The following ITGB1 variants were observed in gnomAD, a reference collection of about 807,000 sequenced individuals.
ITGB1 encodes the protein integrin subunit beta 1.
ITGB1 carries 24 observed loss-of-function variants against 86.5 expected under a neutral mutation model. That is an observed-to-expected ratio of 0.28 (90% CI 0.20 to 0.39). The LOEUF (loss-of-function observed/expected upper bound fraction) is 0.39. Among genes scored for constraint, ITGB1 ranks in the 10% least tolerant of loss-of-function variants. ITGB1 has a pLI of 1.00. For missense variants in ITGB1, 556 were observed against 946.9 expected (o/e 0.59, Z 5.42); for synonymous variants, 323 against 316.8 (o/e 1.02, Z -0.21).
chr10:32,935,493 T>C lies in ITGB1; in HGVS notation c.66A>G (p.Thr22=). ...ACTAAGAAAATTTTTTGTTTTTACC[T>C]GTTTGAGCAAACACACAGCAAACTG... The part of the protein sequence containing the change: ...ISSVCCVFAQ[T]DENRCLKANA... The change falls in exon 2 of 16, where the codon ACA becomes ACG. Residue 22 remains threonine (T), a splice_region_variant and synonymous_variant. Coordinates refer to ENST00000302278, the MANE Select transcript of ITGB1 (RefSeq NM_002211.4). The C allele has an allele frequency of 6.2e-7, 1 of 1,611,440 alleles. No homozygotes were observed. Among genetic ancestry groups the C allele is most frequent in the South Asian group, 1.1e-5 (1 of 90,966 alleles).
At chr10:32,922,076 T>C (rs16933790) in intron 9 of ITGB1, among the ~76,000 whole-genome samples, 181 bp downstream of exon 9, 17,077 of 152,098 alleles carry the variant, frequency 0.11, 1,103 homozygotes, top group Admixed American at 0.21. Context: ...GTTTAGGCCA[T>C]GAATCTTGCT....
intron 11 of ITGB1, among the ~76,000 whole-genome samples, chr10:32,915,156 A>G (rs936914023): frequency 6.6e-6 from 1 of 152,236 alleles, no homozygotes; most frequent in African/African-American, 2.4e-5. Flanking sequence ...TCTGGGACAC[A>G]TTTAAAGCAG....
intron 5 of ITGB1, among the ~76,000 whole-genome samples, chr10:32,927,222 A>G (rs952285074): frequency 6.6e-6 from 1 of 152,194 alleles, no homozygotes; most frequent in African/African-American, 2.4e-5. Flanking sequence ...TTTCCACTAA[A>G]ATAGGGCTAA....
At chr10:32,946,534 T>C (rs1359195178) in intron 1 of ITGB1, among the ~76,000 whole-genome samples, 1 of 152,122 alleles carries the variant, frequency 6.6e-6, no homozygotes, top group Admixed American at 6.5e-5. Flanking sequence ...GGATGGCTGC[T>C]GATGTACTGT....
intron 9 of ITGB1, among the ~76,000 whole-genome samples, chr10:32,921,717 C>T (rs1210707560): frequency 1.3e-5 from 2 of 152,246 alleles, no homozygotes; most frequent in South Asian, 2.1e-4. Context: ...GAGGGGAAAA[C>T]AACACTATAA....
chr10:32,935,065 C>T (rs936126212), intron 2 of ITGB1, among the ~76,000 whole-genome samples: 1 of 152,120 alleles, frequency 6.6e-6, no homozygotes, highest in Non-Finnish European at 1.5e-5. Context: ...CTAGATGATG[C>T]CAACATTTTG....
intron 13 of ITGB1, among the ~76,000 whole-genome samples, 179 bp from the exon 14 acceptor site, chr10:32,910,634 C>G (rs906154867): frequency 2.0e-5 from 3 of 152,020 alleles, no homozygotes; most frequent in African/African-American, 7.2e-5. Flanking sequence ...TAAAAAGATG[C>G]TAATTTCCAT....
At chr10:32,910,512 G>A in intron 13 of ITGB1, 57 bp from the exon 14 acceptor site, 1 of 1,210,552 alleles carries the variant, frequency 8.3e-7, no homozygotes, top group South Asian at 1.5e-5. Context: ...GTAAATATTT[G>A]CTTAAACATA....
chr10:32,939,274 T>C (rs921210167), intron 1 of ITGB1, among the ~76,000 whole-genome samples: 2 of 152,224 alleles, frequency 1.3e-5, no homozygotes, highest in Non-Finnish European at 2.9e-5. Context: ...GCTGTCCTAA[T>C]TCTAACGCTT....
At position 32,923,601 on chromosome 10, in the gene ITGB1, G is replaced by A; in HGVS notation, c.926C>T (p.Thr309Ile). 1 of 1,613,096 alleles carries A rather than the reference G, an allele frequency of 6.2e-7. No homozygotes were observed. Among genetic ancestry groups the A allele is most frequent in the Non-Finnish European group, 8.5e-7 (1 of 1,179,350 alleles). The part of the protein sequence containing the change: ...GQCHLENNMY[T>I]MSHYYDYPSI... ...GGCACTTACATAATAATGGCTCATT[G>A]TGTACATATTATTTTCCAGGTGACA... Residue 309 changes from threonine (T) to isoleucine (I), a missense_variant, in exon 7 of 16, where the codon ACA (threonine) becomes ATA (isoleucine). Physicochemically the swap from Thr to Ile is moderately conservative, Grantham distance 89. Transcript: ENST00000302278.
chr10:32,953,774 C>G (rs961752551), intron 1 of ITGB1: 1 of 152,146 alleles, frequency 6.6e-6, no homozygotes, highest in African/African-American at 2.4e-5. Flanking sequence ...AATCGAGAAG[C>G]CTTTAGTACA....
At chr10:32,928,384 T>C in intron 4 of ITGB1, 120 bp from the exon 5 acceptor site, 1 of 563,508 alleles carries the variant, frequency 1.8e-6, no homozygotes, top group Admixed American at 2.9e-5. Context: ...GTTGTCATAA[T>C]TTTTACAAAA....
chr10:32,902,830 TGA>T (rs1280837381), intron 15 of ITGB1, among the ~76,000 whole-genome samples: 1 of 152,106 alleles, frequency 6.6e-6, no homozygotes. Context: ...GTTTGGTGGG[TGA>T]GAGACATGAA....
At chr10:32,955,984 T>C (rs533333528) in intron 1 of ITGB1, among the ~76,000 whole-genome samples, 121 of 152,366 alleles carry the variant, frequency 7.9e-4, no homozygotes, top group African/African-American at 2.7e-3. Flanking sequence ...ATTTGCTTCC[T>C]GTTTACAGAA....
intron 1 of ITGB1, among the ~76,000 whole-genome samples, chr10:32,938,724 C>T (rs568899530): frequency 2.0e-5 from 3 of 152,294 alleles, no homozygotes; most frequent in South Asian, 4.1e-4. Context: ...TGGCGACTGG[C>T]GGGGCACTGG....
At chr10:32,913,539 C>T (rs1319046811) in intron 11 of ITGB1, among the ~76,000 whole-genome samples, 3 of 151,966 alleles carry the variant, frequency 2.0e-5, no homozygotes, top group East Asian at 1.9e-4. Flanking sequence ...CTTCAGTAGC[C>T]GATTCGATCC....
intron 1 of ITGB1, among the ~76,000 whole-genome samples, chr10:32,940,030 T>C (rs1372146988): frequency 6.6e-6 from 1 of 152,120 alleles, no homozygotes; most frequent in Non-Finnish European, 1.5e-5. Context: ...TTTTACTTTT[T>C]CTGTAAGGAG....
chr10:32,929,874 T>C lies in ITGB1; in HGVS notation c.324A>G (p.Pro108=), dbSNP rs750541898. 1.1e-5 allele frequency: 18 copies of C among 1,613,760 alleles called. No individual in the cohort carries two copies. The highest frequency in any genetic ancestry group is 1.5e-5 in the Non-Finnish European group (18 of 1,179,632). The change falls in exon 4 of 16, where the codon CCA becomes CCG. Residue 108 remains proline (P), a synonymous_variant. Coordinates refer to ENST00000302278, the MANE Select transcript of ITGB1 (RefSeq NM_002211.4). Reference sequence around the variant, plus strand: ...GTGGTTGGATCTGAGTAATATCCTCTGGCTTGAGCTTCTCTGCTGTTCCTT... The same window carrying C: ...GTGGTTGGATCTGAGTAATATCCTCCGGCTTGAGCTTCTCTGCTGTTCCTT... ...RSKGTAEKLK[P]EDITQIQPQQ...
chr10:32,910,155 A>C, intron 14 of ITGB1, 68 bp downstream of exon 14: 51 of 1,114,536 alleles, frequency 4.6e-5, no homozygotes, highest in South Asian at 7.4e-5. Flanking sequence ...TCTGGATGTT[A>C]GGCCTAAATA....
Sources: allele counts gnomAD v4.1 joint callset (sites outside exome capture counted in the v4.1 genomes callset), GRCh38; gene constraint gnomAD v4.1.1; transcripts MANE v1.5; gene names NCBI Gene and HGNC (gene_info 2026-07-23, HGNC 2026-07-21).